LRRC61: variants seen among roughly 807,000 people sequenced by gnomAD.
LRRC61 encodes leucine rich repeat containing 61, also known as leucine-rich repeat-containing protein 61.
In LRRC61, 9 loss-of-function variants were observed where a neutral mutation model predicts 15.1. The ratio of observed to expected loss-of-function variants is 0.60; its 90% CI spans 0.36 to 1.04. The LOEUF is 1.04. LRRC61 is among the 50% of genes least tolerant of loss of function. LRRC61 has a pLI of 0.01. For synonymous variants in LRRC61, 173 were observed against 158.6 expected (o/e 1.09, Z -0.68); for missense variants, 344 against 335.6 (o/e 1.03, Z -0.20).
upstream of LRRC61, among the ~76,000 whole-genome samples, chr7:150,320,328 A>G (rs1244390872): frequency 6.6e-6 from 1 of 152,264 alleles, no homozygotes; most frequent in African/African-American, 2.4e-5. Flanking sequence ...ATTAGAGCTA[A>G]GAATAGTGTA....
At chr7:150,309,553 A>G in the LRRC61 span, among the ~76,000 whole-genome samples, 2 of 152,200 alleles carry the variant, frequency 1.3e-5, no homozygotes, top group Admixed American at 1.3e-4. Context: ...TGCCTTCAGC[A>G]CACAAAAACT....
chr7:150,326,381 A>C (rs937805225), intron 2 of LRRC61, among the ~76,000 whole-genome samples: 10 of 152,274 alleles, frequency 6.6e-5, no homozygotes, highest in African/African-American at 2.2e-4. Flanking sequence ...GGTAGGTCTT[A>C]AGATGAAGAT....
At chr7:150,319,995 C>T (rs545127297), upstream of LRRC61, among the ~76,000 whole-genome samples, 5 of 152,354 alleles carry the variant, frequency 3.3e-5, no homozygotes, top group Non-Finnish European at 7.3e-5. Flanking sequence ...CTTCCTCTGC[C>T]AATCCATCCC....
the LRRC61 span, among the ~76,000 whole-genome samples, chr7:150,312,927 AG>A: frequency 1.3e-5 from 2 of 152,180 alleles, no homozygotes; most frequent in African/African-American, 4.8e-5. Flanking sequence ...AAACCACAAA[AG>A]AAGTGAAACA....
chr7:150,319,264 A>G (rs1341439372), upstream of LRRC61, among the ~76,000 whole-genome samples: 1 of 151,306 alleles, frequency 6.6e-6, no homozygotes, highest in Admixed American at 6.6e-5. Flanking sequence ...ATGGAGTCCA[A>G]TGGCGTGAGC....
the LRRC61 span, among the ~76,000 whole-genome samples, chr7:150,316,828 T>C: frequency 1.3e-5 from 2 of 152,132 alleles, no homozygotes; most frequent in Non-Finnish European, 2.9e-5. Context: ...TTTCCTGGGA[T>C]TACGTTAAAC....
the LRRC61 span, among the ~76,000 whole-genome samples, chr7:150,315,548 G>A: frequency 6.6e-6 from 1 of 152,158 alleles, no homozygotes; most frequent in East Asian, 1.9e-4. Flanking sequence ...ATACTAATTC[G>A]TTGTTAGCAT....
Position 150,336,957 on chromosome 7 carries a change from C to T in LRRC61, c.96C>T (p.Ser32=). ...GCACAGGCGAGTTCTCCCTGGAGTC[C>T]ATCCTGCTACTGAAGCTGCGTGGCT... The part of the protein sequence containing the change: ...KSRTGEFSLE[S]ILLLKLRGLG... Residue 32 remains serine, a synonymous_variant, in exon 3 of 3, where the codon TCC becomes TCT. Coordinates refer to ENST00000359623, the MANE Select transcript of LRRC61 (RefSeq NM_001142928.2). The T allele has an allele frequency of 8.1e-6, 13 of 1,613,980 alleles. No homozygotes were observed. Among genetic ancestry groups the T allele is most frequent in the Non-Finnish European group, 1.1e-5 (13 of 1,180,042 alleles).
the LRRC61 span, among the ~76,000 whole-genome samples, chr7:150,316,665 T>C: frequency 2.6e-5 from 4 of 152,132 alleles, no homozygotes; most frequent in Middle Eastern, 3.2e-3. Context: ...TTTGTATTTT[T>C]AGTAGAGACG....
At position 150,336,812 on chromosome 7, in the gene LRRC61, C is replaced by T. The variant is rs1195218480; in HGVS notation, c.-50C>T. ...AGCACCAGCTGACCCCCAGTGGAAC[C>T]CTGTGACAGTCCTGCCAGGGCCCAG... On this transcript the variant is annotated 5_prime_UTR_variant, in exon 3 of 3. Transcript: ENST00000359623. The T allele has an allele frequency of 6.4e-7, 1 of 1,559,178 alleles. No individual in the cohort carries two copies. Among genetic ancestry groups the T allele is most frequent in the Non-Finnish European group, 8.7e-7 (1 of 1,151,360 alleles).
chr7:150,313,698 T>C, the LRRC61 span, among the ~76,000 whole-genome samples: 2 of 152,130 alleles, frequency 1.3e-5, no homozygotes, highest in African/African-American at 4.8e-5. Flanking sequence ...ATTCAGATGG[T>C]TGGAGGGCCT....
At chr7:150,312,279 CT>C in the LRRC61 span, among the ~76,000 whole-genome samples, 1 of 152,316 alleles carries the variant, frequency 6.6e-6, no homozygotes, top group Non-Finnish European at 1.5e-5. Context: ...AAAATTCATT[CT>C]TCCTTAGCTT....
chr7:150,318,515 G>C (rs368231730), upstream of LRRC61, among the ~76,000 whole-genome samples: 1 of 152,156 alleles, frequency 6.6e-6, no homozygotes, highest in East Asian at 1.9e-4. Context: ...TGTAATCCCA[G>C]CACTTTGGGA....
chr7:150,312,741 C>T, the LRRC61 span, among the ~76,000 whole-genome samples: 2 of 152,158 alleles, frequency 1.3e-5, no homozygotes, highest in Non-Finnish European at 2.9e-5. Flanking sequence ...CCCCTACCCC[C>T]ATAATCCCCA....
chr7:150,317,418 T>C, the LRRC61 span, among the ~76,000 whole-genome samples: 2 of 152,220 alleles, frequency 1.3e-5, no homozygotes, highest in African/African-American at 4.8e-5. Flanking sequence ...CATTTATTAA[T>C]ATTAAACCCA....
At position 150,337,714 on chromosome 7, in the gene LRRC61, C is replaced by T. The variant is rs560225908; in HGVS notation, c.*73C>T. ...CAGTTCCCCTCTCTGCCCCCACACT[C>T]GTCTTAGTTGCTTCACACTGGTCAC... is the stretch of plus-strand genomic sequence containing the variant. On this transcript the variant is annotated 3_prime_UTR_variant, in exon 3 of 3. Transcript: ENST00000359623. 7.7e-5 allele frequency: 111 copies of T among 1,441,596 alleles called. No homozygotes were observed. The highest frequency in any genetic ancestry group is 9.6e-5 in the Non-Finnish European group (104 of 1,078,620). 89.3% of individuals were successfully genotyped at this position (1,441,596 alleles called of 1,614,324 possible).
At position 150,330,967 on chromosome 7, in the gene LRRC61, A is replaced by G. The variant is rs1346118533; in HGVS notation, c.-145+4957A>G. Reference sequence around the variant, plus strand: ...AGAAGCGGGGGCTCGCTGTCCACCAAGAGCCACTGGGCCAGCATCATTGTC... The same window carrying G: ...AGAAGCGGGGGCTCGCTGTCCACCAGGAGCCACTGGGCCAGCATCATTGTC... On this transcript the variant is annotated intron_variant, in intron 2 of 2. Transcript: ENST00000359623. The surrounding 1 kb of genome is among the most constrained non-coding windows in gnomAD (Gnocchi z 4.6). 1 of 1,612,030 alleles carries G rather than the reference A, an allele frequency of 6.2e-7. No homozygotes were observed.
upstream of LRRC61, among the ~76,000 whole-genome samples, chr7:150,322,279 A>G (rs1017695302): frequency 3.3e-5 from 5 of 152,238 alleles, no homozygotes; most frequent in Non-Finnish European, 7.3e-5. Context: ...GGCTGCATTC[A>G]TAGGAGGTTA....
rs1298160886 is a variant in LRRC61 at position 150,330,543 on chromosome 7, C to T, written c.-145+4533C>T. 1.3e-6 allele frequency: 1 copy of T among 777,456 alleles called. No individual in the cohort carries two copies. Among genetic ancestry groups the T allele is most frequent in the Admixed American group, 1.7e-5 (1 of 58,766 alleles). The allele number at this position is 777,456 out of a possible 1,614,324, so 48.2% of individuals were successfully genotyped here. A position where few individuals can be genotyped will look rare whatever the true frequency, so the allele number is the denominator to read the frequency against. On this transcript the variant is annotated intron_variant, in intron 2 of 2. Transcript: ENST00000359623. The surrounding 1 kb of genome is among the most constrained non-coding windows in gnomAD (Gnocchi z 4.6). ...TGTCGGGGAGAGGGGCGCAGCCATC[C>T]AGCTGGCTGAGGGGTTGGCCCGGCA...
Sources: allele counts gnomAD v4.1 joint callset (sites outside exome capture counted in the v4.1 genomes callset), GRCh38; gene constraint gnomAD v4.1.1; non-coding constraint Gnocchi (gnomAD v3.1); transcripts MANE v1.5; gene names NCBI Gene and HGNC (gene_info 2026-07-23, HGNC 2026-07-21).